Variants in JAKMIP1 observed in about 807,000 individuals in gnomAD.
The protein encoded by JAKMIP1 is janus kinase and microtubule interacting protein 1.
Under a neutral mutation model 113.0 loss-of-function variants are expected in JAKMIP1, and 33 were observed. The ratio of observed to expected loss-of-function variants is 0.29; its 90% CI spans 0.22 to 0.39. The LOEUF (loss-of-function observed/expected upper bound fraction) is 0.39, where lower values mean the gene tolerates loss of function less well. JAKMIP1 is among the 10% of genes least tolerant of loss of function. JAKMIP1 has a pLI of 1.00. For missense variants in JAKMIP1, 813 were observed against 1,080.5 expected (o/e 0.75, Z 3.47); for synonymous variants, 480 against 459.9 (o/e 1.04, Z -0.56).
At chr4:6,092,777 C>T (rs143579579) in intron 3 of JAKMIP1, among the ~76,000 whole-genome samples, 2 of 152,258 alleles carry the variant, frequency 1.3e-5, no homozygotes, top group Admixed American at 6.5e-5. Flanking sequence ...GAAACAGAAA[C>T]GCATTCCTGG....
At chr4:6,084,710 T>C in intron 5 of JAKMIP1, 136 bp downstream of exon 5, 1 of 923,436 alleles carries the variant, frequency 1.1e-6, no homozygotes, top group Middle Eastern at 2.4e-4. Context: ...AGATTTTTAA[T>C]CGAAAAGAAG....
chr4:6,106,029 G>A lies in JAKMIP1; in HGVS notation c.130-62C>T. ...GGGTCAGGGTCAGGGTCAGGGTCAG[G>A]GTCACAGCTGGGGGAGCTGGCCACA... On this transcript the variant is annotated intron_variant, in intron 2 of 20. Transcript: ENST00000409021. This position sits in a 1 kb window ranked among gnomAD's most constrained non-coding sequence, Gnocchi z 5.9. 8.5e-7 allele frequency: 1 copy of A among 1,180,996 alleles called. No individual in the cohort carries two copies. Among genetic ancestry groups the A allele is most frequent in the Non-Finnish European group, 1.2e-6 (1 of 843,720 alleles). The allele number at this position is 1,180,996 out of a possible 1,614,324, so 73.2% of individuals were successfully genotyped here.
At chr4:6,041,449 C>T (rs554734280) in intron 17 of JAKMIP1, among the ~76,000 whole-genome samples, 10 of 152,150 alleles carry the variant, frequency 6.6e-5, no homozygotes, top group Admixed American at 4.6e-4. Context: ...CCACCTTCCT[C>T]CTTCTCCTCC....
intron 1 of JAKMIP1, among the ~76,000 whole-genome samples, chr4:6,126,384 T>TGCAGAAACACTCACACAAACACACAA (rs1717623998): frequency 1.7e-4 from 2 of 11,600 alleles, no homozygotes; most frequent in African/African-American, 1.3e-3. Context: ...CAAACACACA[T>TGCAGAAACACTCACACAAACACACAA]CATACAGAAA....
At chr4:6,113,760 T>C (rs1254030404) in intron 1 of JAKMIP1, among the ~76,000 whole-genome samples, 1 of 152,200 alleles carries the variant, frequency 6.6e-6, no homozygotes, top group Admixed American at 6.5e-5. Flanking sequence ...TCCTTCTCGT[T>C]TTCCATCTGA....
Position 6,042,276 on chromosome 4 carries a change from C to A in JAKMIP1, c.2029-49G>T. On this transcript the variant is annotated intron_variant, in intron 16 of 20. Coordinates refer to ENST00000409021, the MANE Select transcript of JAKMIP1 (RefSeq NM_001099433.2). The surrounding 1 kb of genome is among the most constrained non-coding windows in gnomAD (Gnocchi z 5.2). ...GGGTGCAGCAAAGTGAGAGTCAGAA[C>A]CCAAGGGGCTGTGGAATTTCACAGG... 1 of 1,442,620 alleles carries A rather than the reference C, an allele frequency of 6.9e-7. No homozygotes were observed. Among genetic ancestry groups the A allele is most frequent in the Non-Finnish European group, 9.8e-7 (1 of 1,025,638 alleles). The allele number at this position is 1,442,620 out of a possible 1,614,324, so 89.4% of individuals were successfully genotyped here. A position where few individuals can be genotyped will look rare whatever the true frequency, so the allele number is the denominator to read the frequency against.
chr4:6,179,250 C>T lies in JAKMIP1; in HGVS notation c.-148+21003G>A, dbSNP rs1450250095. Among the ~76,000 whole-genome samples the T allele has an allele frequency of 1.3e-5, 2 of 152,188 alleles. No individual in the cohort carries two copies. The highest frequency in any genetic ancestry group is 4.8e-5 in the African/African-American group (2 of 41,434). ...TTCTCATCTCAAAGCCCCAGATTCA[C>T]TAACTCTAACCCCTAAATGACTGCT... On this transcript the variant is annotated intron_variant, in intron 1 of 20. Coordinates refer to ENST00000409021, the MANE Select transcript of JAKMIP1 (RefSeq NM_001099433.2). This position sits in a 1 kb window ranked among gnomAD's most constrained non-coding sequence, Gnocchi z 4.5.
Position 6,105,492 on chromosome 4 carries a change from T to G in JAKMIP1, c.605A>C (p.Glu202Ala), listed in dbSNP as rs772871578. The G allele has an allele frequency of 6.2e-7, 1 of 1,604,306 alleles. No individual in the cohort carries two copies. Among genetic ancestry groups the G allele is most frequent in the Non-Finnish European group, 8.5e-7 (1 of 1,175,740 alleles). The change falls in exon 3 of 21, where the codon GAG (glutamate) becomes GCG (alanine). Residue 202 changes from glutamate to alanine, a missense_variant. By Grantham distance (107) the Glu-to-Ala change is moderately radical. This residue lies in a region of JAKMIP1 where 540 missense variants were observed against 653.9 expected (regional missense o/e 0.83). Coordinates refer to ENST00000409021, the MANE Select transcript of JAKMIP1 (RefSeq NM_001099433.2). The part of the protein sequence containing the change: ...DEVHRIKREC[E>A]RDIRRLMDEI... ...ACGTACCAGCCTGCGGATGTCGCGCTCGCACTCGCGCTTGATGCGGTGCAC... is the reference window on the plus strand; with the variant it reads ...ACGTACCAGCCTGCGGATGTCGCGCGCGCACTCGCGCTTGATGCGGTGCAC...
At chr4:6,043,630 G>C (rs541754953) in intron 16 of JAKMIP1, among the ~76,000 whole-genome samples, 104 of 151,978 alleles carry the variant, frequency 6.8e-4, no homozygotes, top group African/African-American at 2.5e-3. Flanking sequence ...CAACATATTG[G>C]CTTTGCCTCC....
intron 16 of JAKMIP1, among the ~76,000 whole-genome samples, chr4:6,043,319 C>A (rs538862120): frequency 5.3e-5 from 8 of 152,134 alleles, no homozygotes; most frequent in African/African-American, 1.7e-4. Flanking sequence ...CCCAGGCTCC[C>A]CCAGCTTCCT....
At chr4:6,166,773 G>A (rs969377998) in intron 1 of JAKMIP1, among the ~76,000 whole-genome samples, 9 of 152,300 alleles carry the variant, frequency 5.9e-5, no homozygotes, top group South Asian at 2.1e-4. Flanking sequence ...GCGCACTTTC[G>A]CTCAAATGGC....
rs566036763 is a variant in JAKMIP1, at chr4:6,191,275, C to T, written c.-148+8978G>A. On this transcript the variant is annotated intron_variant, in intron 1 of 20. Coordinates refer to ENST00000409021, the MANE Select transcript of JAKMIP1 (RefSeq NM_001099433.2). The stretch of plus-strand genomic sequence containing the variant: ...CCCTGCGCTCCTCACCAGGCCTTCC[C>T]GAGGGCTCACAGCCAGAGACACAGC... Among the ~76,000 whole-genome samples, 33 of 152,278 alleles carry T rather than the reference C, an allele frequency of 2.2e-4. 1 individual carries two copies. In the South Asian group the frequency reaches 5.2e-3, roughly 24 times the overall value.
intron 1 of JAKMIP1, among the ~76,000 whole-genome samples, chr4:6,169,309 T>C (rs1197185800): frequency 1.3e-5 from 2 of 152,140 alleles, no homozygotes; most frequent in Admixed American, 1.3e-4. Context: ...GTGGGCCCTT[T>C]ATTCAGTACA....
At chr4:6,112,661 G>A in intron 2 of JAKMIP1, 61 bp downstream of exon 2, 5 of 1,579,372 alleles carry the variant, frequency 3.2e-6, no homozygotes, top group South Asian at 2.3e-5. Context: ...TGCCTCAGAG[G>A]CAACACTGCC....
At chr4:6,096,336 T>C (rs1035486107) in intron 3 of JAKMIP1, among the ~76,000 whole-genome samples, 2 of 152,264 alleles carry the variant, frequency 1.3e-5, no homozygotes, top group Non-Finnish European at 2.9e-5. Context: ...TGTGTTCCCA[T>C]GCCTTGACTA....
intron 16 of JAKMIP1, among the ~76,000 whole-genome samples, chr4:6,046,912 C>G (rs1715073279): frequency 6.6e-6 from 1 of 152,194 alleles, no homozygotes; most frequent in South Asian, 2.1e-4. Context: ...ACACCCCCTG[C>G]CCCAGCCCCA....
rs71984154 is a variant in JAKMIP1, at chr4:6,139,055, A to AACACAC, written c.-147-26064_-147-26059dup. The stretch of plus-strand genomic sequence containing the variant: ...ATTGTTTGCATGTGACATCATTAGA[A>AACACAC]ACACACACACACACACACACACACA... On this transcript the variant is annotated intron_variant, in intron 1 of 20. Coordinates refer to ENST00000409021, the MANE Select transcript of JAKMIP1 (RefSeq NM_001099433.2). The surrounding 1 kb of genome is among the most constrained non-coding windows in gnomAD (Gnocchi z 5.2). Among the ~76,000 whole-genome samples, 65 of 103,492 alleles carry AACACAC rather than the reference A, an allele frequency of 6.3e-4. No individual in the cohort carries two copies. In the East Asian group the frequency reaches 7.2e-3, roughly 12 times the overall value. 67.9% of individuals were successfully genotyped at this position (103,492 alleles called of 152,430 possible). A position where few individuals can be genotyped will look rare whatever the true frequency, so the allele number is the denominator to read the frequency against.
At position 6,185,061 on chromosome 4, in the gene JAKMIP1, C is replaced by T. The variant is rs955502071; in HGVS notation, c.-148+15192G>A. On this transcript the variant is annotated intron_variant, in intron 1 of 20. Transcript: ENST00000409021. This position sits in a 1 kb window ranked among gnomAD's most constrained non-coding sequence, Gnocchi z 5.3. ...GACTTCCACCAGTGGTTTGCCAGGGCTCTCAGGCCTTGGGCCACTGACTGA... is the reference window on the plus strand; with the variant it reads ...GACTTCCACCAGTGGTTTGCCAGGGTTCTCAGGCCTTGGGCCACTGACTGA... Among the ~76,000 whole-genome samples, 3 of 152,216 alleles carry T rather than the reference C, an allele frequency of 2.0e-5. No individual in the cohort carries two copies. Among genetic ancestry groups the T allele is most frequent in the African/African-American group, 7.2e-5 (3 of 41,464 alleles).
At position 6,157,604 on chromosome 4, in the gene JAKMIP1, C is replaced by T. The variant is rs1292629492; in HGVS notation, c.-148+42649G>A. On this transcript the variant is annotated intron_variant, in intron 1 of 20. Transcript: ENST00000409021. The surrounding 1 kb of genome is among the most constrained non-coding windows in gnomAD (Gnocchi z 4.7). ...CATCACAACTCAGAACCGGGATCTC[C>T]GAGCTACAATCCCACCAGAATCCCA... Among the ~76,000 whole-genome samples, 8 of 152,162 alleles carry T rather than the reference C, an allele frequency of 5.3e-5. No individual in the cohort carries two copies. The highest frequency in any genetic ancestry group is 1.2e-4 in the African/African-American group (5 of 41,440).
Sources: gnomAD v4.1 joint callset for allele counts (sites outside exome capture counted in the v4.1 genomes callset) on GRCh38, gnomAD v4.1.1 for gene constraint, gnomAD v4.1.1 regional missense constraint, Gnocchi (gnomAD v3.1) non-coding constraint, MANE v1.5 for transcripts, NCBI Gene and HGNC (gene_info 2026-07-23, HGNC 2026-07-21) for gene names.